The following TMEM98 variants were observed in gnomAD, a reference collection of about 807,000 sequenced individuals.
TMEM98 encodes transmembrane protein 98.
TMEM98 carries 18 observed loss-of-function variants against 25.0 expected under a neutral mutation model. That is an observed-to-expected ratio of 0.72 (90% CI 0.50 to 1.07). The LOEUF is 1.07. TMEM98 is among the 50% of genes least tolerant of loss of function. TMEM98 has a pLI of 0.00. For missense variants in TMEM98, 241 were observed against 289.0 expected (o/e 0.83, Z 1.20); for synonymous variants, 103 against 112.4 (o/e 0.92, Z 0.53).
rs539047486 is a variant in TMEM98, at chr17:32,936,444, C to T, written c.410C>T (p.Pro137Leu). The part of the protein sequence containing the change: ...DIIVVAKRIS[P>L]RVDDVVKSMY... Reference sequence around the variant, plus strand: ...ATTGTGGTGGCCAAGCGGATCAGCCCCAGGTGAGCAATTGGCGGCTTCGAG... The same window carrying T: ...ATTGTGGTGGCCAAGCGGATCAGCCTCAGGTGAGCAATTGGCGGCTTCGAG... The change falls in exon 6 of 8, where the codon CCC (proline) becomes CTC (leucine). Residue 137 changes from proline to leucine, a missense_variant. Coordinates refer to ENST00000579849, the MANE Select transcript of TMEM98 (RefSeq NM_015544.3). The T allele has an allele frequency of 2.5e-6, 4 of 1,614,028 alleles. No homozygotes were observed. In the South Asian group the frequency reaches 3.3e-5, roughly 13 times the overall value.
chr17:32,937,356 C>T (rs1334726508), intron 6 of TMEM98, among the ~76,000 whole-genome samples: 12 of 152,188 alleles, frequency 7.9e-5, no homozygotes, highest in African/African-American at 1.9e-4. Context: ...TGAGTTGCCA[C>T]GTGAGTTCCT....
At position 32,939,523 on chromosome 17, in the gene TMEM98, C is replaced by A; in HGVS notation, c.460C>A (p.Leu154Ile). ...GATGTACCCTCCGTTGGACCCCAAA[C>A]TCCTGGACGCACGGTGAGACCAGGG... ...KSMYPPLDPK[L>I]LDARTTALLL... Residue 154 changes from leucine to isoleucine, a missense_variant, in exon 7 of 8, where the codon CTC (leucine) becomes ATC (isoleucine). Transcript: ENST00000579849. 1 of 1,614,128 alleles carries A rather than the reference C, an allele frequency of 6.2e-7. No individual in the cohort carries two copies.
intron 6 of TMEM98, 58 bp from the exon 7 acceptor site, chr17:32,939,419 A>AT: frequency 7.0e-7 from 1 of 1,436,998 alleles, no homozygotes; most frequent in South Asian, 1.2e-5. Flanking sequence ...GAAAAAAAAA[A>AT]AAAGGAGAAA....
intron 1 of TMEM98, among the ~76,000 whole-genome samples, chr17:32,930,257 T>G (rs2091460139): frequency 6.6e-6 from 1 of 152,172 alleles, no homozygotes; most frequent in African/African-American, 2.4e-5. Flanking sequence ...CCCTTGTTCT[T>G]CTGGCTTATG....
At position 32,933,212 on chromosome 17, in the gene TMEM98, C is replaced by T. The variant is rs2091479004; in HGVS notation, c.170C>T (p.Ser57Phe). ...VDLIGAMETQ[S>F]EPSELELDDV... ...CTCATTGGTGCCATGGAGACCCAGT[C>T]TGAGCCCTCTGAGTTAGAACTGGAC... The change falls in exon 4 of 8, where the codon TCT becomes TTT. Residue 57 changes from serine to phenylalanine, a missense_variant. Coordinates refer to ENST00000579849, the MANE Select transcript of TMEM98 (RefSeq NM_015544.3). The T allele has an allele frequency of 1.2e-6, 2 of 1,614,102 alleles. No individual in the cohort carries two copies. Among genetic ancestry groups the T allele is most frequent in the African/African-American group, 2.7e-5 (2 of 74,938 alleles).
chr17:32,934,396 C>T (rs2091485064), intron 5 of TMEM98, 72 bp downstream of exon 5: 15 of 1,567,092 alleles, frequency 9.6e-6, no homozygotes, highest in South Asian at 5.6e-5. Context: ...TGGAGTAGAA[C>T]GGGACCTTAG....
Position 32,943,806 on chromosome 17 carries a change from T to C in TMEM98, c.*2813T>C, listed in dbSNP as rs566251363. On this transcript the variant is annotated 3_prime_UTR_variant, in exon 8 of 8. Transcript: ENST00000579849. ...ATTAGCCAATGTTAACACCCTTCTCTCCACAGCTTCCCATTCTCTGATGCC... is the reference window on the plus strand; with the variant it reads ...ATTAGCCAATGTTAACACCCTTCTCCCCACAGCTTCCCATTCTCTGATGCC... 1 of 152,362 alleles carries C rather than the reference T, an allele frequency of 6.6e-6. No homozygotes were observed. The highest frequency in any genetic ancestry group is 2.4e-5 in the African/African-American group (1 of 41,564). The allele number at this position is 152,362 out of a possible 1,614,324, so 9.4% of individuals were successfully genotyped here. A position where few individuals can be genotyped will look rare whatever the true frequency, so the allele number is the denominator to read the frequency against.
Position 32,944,167 on chromosome 17 carries a change from G to T in TMEM98, c.*3174G>T, listed in dbSNP as rs2091544945. On this transcript the variant is annotated 3_prime_UTR_variant, in exon 8 of 8. Transcript: ENST00000579849. ...CAGGAGTTCCCTCTCCAGAGACCCT[G>T]TGTGCCCACACGAGCAGACTTTTAG... 1.3e-5 allele frequency: 2 copies of T among 152,222 alleles called. No homozygotes were observed. Among genetic ancestry groups the T allele is most frequent in the Admixed American group, 1.3e-4 (2 of 15,284 alleles). 9.4% of individuals were successfully genotyped at this position (152,222 alleles called of 1,614,324 possible).
At chr17:32,937,939 C>T (rs758639347) in intron 6 of TMEM98, among the ~76,000 whole-genome samples, 1 of 152,136 alleles carries the variant, frequency 6.6e-6, no homozygotes, top group African/African-American at 2.4e-5. Flanking sequence ...TTCACTAGAC[C>T]CTTTGTCATG....
rs768018502 is a variant in TMEM98 at position 32,941,352 on chromosome 17, C to A, written c.*359C>A. 30 of 177,226 alleles carry A rather than the reference C, an allele frequency of 1.7e-4. No individual in the cohort carries two copies. Among genetic ancestry groups the A allele is most frequent in the Non-Finnish European group, 3.5e-4 (29 of 83,072 alleles). The allele number at this position is 177,226 out of a possible 1,614,324, so 11.0% of individuals were successfully genotyped here. A position where few individuals can be genotyped will look rare whatever the true frequency, so the allele number is the denominator to read the frequency against. On this transcript the variant is annotated 3_prime_UTR_variant, in exon 8 of 8. Coordinates refer to ENST00000579849, the MANE Select transcript of TMEM98 (RefSeq NM_015544.3). ...ACATTAAAATTAGAATTTCTGGCCTCTCTCGATCGGTCAGAATGTGTGGCA... is the reference window on the plus strand; with the variant it reads ...ACATTAAAATTAGAATTTCTGGCCTATCTCGATCGGTCAGAATGTGTGGCA...
At chr17:32,936,265 C>T (rs965522494) in intron 5 of TMEM98, 67 bp from the exon 6 acceptor site, 8 of 1,297,482 alleles carry the variant, frequency 6.2e-6, no homozygotes, top group African/African-American at 4.4e-5. Flanking sequence ...TGATTTGTCT[C>T]GTGGGGGTGG....
chr17:32,939,588 C>T (rs766784279), intron 7 of TMEM98, 52 bp downstream of exon 7: 4 of 1,604,390 alleles, frequency 2.5e-6, no homozygotes, highest in Admixed American at 1.7e-5. Flanking sequence ...GGTCCACAAC[C>T]GTTTTATCAG....
Position 32,943,418 on chromosome 17 carries a change from G to C in TMEM98, c.*2425G>C, listed in dbSNP as rs1038891096. On this transcript the variant is annotated 3_prime_UTR_variant, in exon 8 of 8. Coordinates refer to ENST00000579849, the MANE Select transcript of TMEM98 (RefSeq NM_015544.3). The stretch of plus-strand genomic sequence containing the variant: ...GATCTCAGGACTGTCTCTGTGCCAG[G>C]TGTGGTTTCCCAGGCAACAGACACA... The C allele has an allele frequency of 2.0e-5, 3 of 152,158 alleles. No individual in the cohort carries two copies. Among genetic ancestry groups the C allele is most frequent in the Non-Finnish European group, 2.9e-5 (2 of 68,042 alleles). 9.4% of individuals were successfully genotyped at this position (152,158 alleles called of 1,614,324 possible).
chr17:32,933,306 G>A lies in TMEM98; in HGVS notation c.263+1G>A, dbSNP rs2091479760. On this transcript the variant is annotated splice_donor_variant, in intron 4 of 7. Coordinates refer to ENST00000579849, the MANE Select transcript of TMEM98 (RefSeq NM_015544.3). LOFTEE classifies it high-confidence loss of function. ...ATGAAGACTGGATCGAAGATGCCTC[G>A]TAAGGCCATGGGAACTGTTTGCTTC... The A allele has an allele frequency of 2.5e-6, 4 of 1,614,062 alleles. No individual in the cohort carries two copies. The highest frequency in any genetic ancestry group is 3.4e-6 in the Non-Finnish European group (4 of 1,179,950).
intron 7 of TMEM98, 70 bp from the exon 8 acceptor site, chr17:32,940,716 T>C (rs1453707512): frequency 6.9e-7 from 1 of 1,446,078 alleles, no homozygotes; most frequent in African/African-American, 1.4e-5. Flanking sequence ...AAAAAGTCTA[T>C]CTATTTGGGC....
chr17:32,933,783 C>T (rs1337196550), intron 4 of TMEM98, among the ~76,000 whole-genome samples: 4 of 152,162 alleles, frequency 2.6e-5, no homozygotes, highest in African/African-American at 4.8e-5. Context: ...GATATTGAAA[C>T]GGTTGAAAAG....
chr17:32,930,736 TCCA>T, intron 1 of TMEM98, among the ~76,000 whole-genome samples: 1 of 150,434 alleles, frequency 6.6e-6, no homozygotes, highest in Non-Finnish European at 1.5e-5. Flanking sequence ...TACTAATATG[TCCA>T]CTTCATAAGA....
intron 5 of TMEM98, among the ~76,000 whole-genome samples, chr17:32,934,525 C>T (rs537011727): frequency 2.6e-4 from 40 of 152,268 alleles, no homozygotes; most frequent in African/African-American, 9.4e-4. Flanking sequence ...GTTTCAAAGG[C>T]TTTATTTCAT....
In TMEM98 at chr17:32,936,326, C is replaced by T; in HGVS notation, c.298-6C>T. 6.2e-7 allele frequency: 1 copy of T among 1,612,904 alleles called. No individual in the cohort carries two copies. The highest frequency in any genetic ancestry group is 1.1e-5 in the South Asian group (1 of 90,974). On this transcript the variant is annotated splice_region_variant and splice_polypyrimidine_tract_variant and intron_variant, in intron 5 of 7. Coordinates refer to ENST00000579849, the MANE Select transcript of TMEM98 (RefSeq NM_015544.3). ...GCCCTCATCTCTCTCCTCCCTGCCG[C>T]ATTAGATTTGTCACACTCTGACAGA...
Sources: allele counts gnomAD v4.1 joint callset (sites outside exome capture counted in the v4.1 genomes callset), GRCh38; gene constraint gnomAD v4.1.1; transcripts MANE v1.5; gene names NCBI Gene and HGNC (gene_info 2026-07-23, HGNC 2026-07-21).